ACYP2: variants seen among roughly 807,000 people sequenced by gnomAD.
ACYP2 encodes the protein acylphosphatase 2, also known as acylphosphatase-2.
In ACYP2, 12 loss-of-function variants were observed where a neutral mutation model predicts 11.2. The ratio of observed to expected loss-of-function variants is 1.08; its 90% CI spans 0.69 to 1.74. The LOEUF is 1.74. ACYP2 is among the 40% of genes most tolerant of loss of function. The pLI is 0.00. For missense variants in ACYP2, 134 were observed against 101.9 expected (o/e 1.31, Z -1.35); for synonymous variants, 43 against 32.2 (o/e 1.33, Z -1.13).
intron 2 of ACYP2, among the ~76,000 whole-genome samples, chr2:54,027,837 C>CTTTTTTTTTT (rs34122179): frequency 5.1e-5 from 5 of 97,890 alleles, no homozygotes; most frequent in Non-Finnish European, 7.8e-5. Context: ...TTCTTTCTTT[C>CTTTTTTTTTT]TTTTTTTTTT....
At chr2:53,996,987 G>T (rs1006638553) in intron 2 of ACYP2, among the ~76,000 whole-genome samples, 2 of 152,128 alleles carry the variant, frequency 1.3e-5, no homozygotes, top group African/African-American at 4.8e-5. Flanking sequence ...GCTGACACAC[G>T]ACTAGCCCCA....
chr2:54,133,884 G>A (rs1681072395), intron 4 of ACYP2, among the ~76,000 whole-genome samples: 1 of 152,152 alleles, frequency 6.6e-6, no homozygotes, highest in Non-Finnish European at 1.5e-5. Flanking sequence ...ACCACCCAAG[G>A]TATGAAGTCC....
chr2:54,230,703 G>A (rs528220641), intron 6 of ACYP2, among the ~76,000 whole-genome samples: 1 of 151,246 alleles, frequency 6.6e-6, no homozygotes, highest in South Asian at 2.1e-4. Context: ...CCTTTCTGTC[G>A]ATCCAAGTCT....
At chr2:54,232,293 G>A (rs1188469592) in intron 6 of ACYP2, among the ~76,000 whole-genome samples, 2 of 152,160 alleles carry the variant, frequency 1.3e-5, no homozygotes, top group African/African-American at 4.8e-5. Context: ...GAGGAATGGA[G>A]AGTTGCTGTT....
intron 6 of ACYP2, among the ~76,000 whole-genome samples, chr2:54,216,834 G>A (rs887685335): frequency 1.3e-5 from 2 of 152,094 alleles, no homozygotes; most frequent in South Asian, 2.1e-4. Context: ...ACTGCACTGA[G>A]GTCTAATCAC....
intron 6 of ACYP2, chr2:54,256,203 G>A: frequency 6.5e-7 from 1 of 1,541,728 alleles, no homozygotes. Context: ...GAGGTAGGTA[G>A]CGTCAACGTT....
intron 2 of ACYP2, among the ~76,000 whole-genome samples, chr2:53,989,906 CA>C (rs1374047969): frequency 2.0e-5 from 3 of 152,120 alleles, no homozygotes; most frequent in African/African-American, 7.2e-5. Flanking sequence ...CCCTTGGTCC[CA>C]GCCAATTGTT....
intron 4 of ACYP2, among the ~76,000 whole-genome samples, chr2:54,093,221 C>T (rs2103685256): frequency 6.6e-6 from 1 of 152,238 alleles, no homozygotes; most frequent in East Asian, 1.9e-4. Flanking sequence ...AGGAAGTCAG[C>T]AGATAATATC....
chr2:54,276,468 A>G (rs972082206), intron 6 of ACYP2, among the ~76,000 whole-genome samples: 2 of 152,142 alleles, frequency 1.3e-5, no homozygotes, highest in Admixed American at 6.5e-5. Flanking sequence ...ACTCAATACC[A>G]TGGGTAGAAT....
At chr2:53,973,473 A>G (rs1188945917) in intron 1 of ACYP2, among the ~76,000 whole-genome samples, 1 of 152,180 alleles carries the variant, frequency 6.6e-6, no homozygotes, top group African/African-American at 2.4e-5. Context: ...CACCATTGTG[A>G]TTTGTTTCTG....
chr2:53,978,216 C>T (rs561645825), intron 2 of ACYP2, among the ~76,000 whole-genome samples: 118 of 147,768 alleles, frequency 8.0e-4, no homozygotes, highest in African/African-American at 2.7e-3. Flanking sequence ...GAGCTGAGAT[C>T]GTGCCACTGC....
chr2:54,045,805 G>C (rs1363731515), intron 2 of ACYP2, among the ~76,000 whole-genome samples: 2 of 151,624 alleles, frequency 1.3e-5, no homozygotes, highest in Non-Finnish European at 2.9e-5. Flanking sequence ...GACAGAGTGA[G>C]ACTCTGTCCC....
chr2:54,231,799 G>A lies in ACYP2; in HGVS notation c.405-72889G>A, dbSNP rs553098115. 3.9e-5 allele frequency among the ~76,000 whole-genome samples: 6 copies of A among 152,192 alleles called. No homozygotes were observed. The East Asian group carries it at 7.7e-4, about 20-fold the overall frequency. ...GTAAGAGTCCATTTCCTGCCTCTCG[G>A]GCACGCCACCACAGCCTGAGGCTCC... On this transcript the variant is annotated intron_variant, in intron 6 of 6. Coordinates refer to ENST00000607452, the MANE Select transcript of ACYP2 (RefSeq NM_001320586.2).
chr2:54,074,140 T>C (rs1677204724), intron 4 of ACYP2, among the ~76,000 whole-genome samples: 1 of 152,172 alleles, frequency 6.6e-6, no homozygotes, highest in African/African-American at 2.4e-5. Context: ...AGGAGTTTTA[T>C]ATCAGCCTGA....
intron 6 of ACYP2, among the ~76,000 whole-genome samples, chr2:54,275,699 G>A (rs926981626): frequency 6.6e-6 from 1 of 152,122 alleles, no homozygotes; most frequent in African/African-American, 2.4e-5. Flanking sequence ...ATCAAGCATA[G>A]AGAAATGATT....
At chr2:54,250,014 A>T (rs1325137048) in intron 6 of ACYP2, among the ~76,000 whole-genome samples, 3 of 151,650 alleles carry the variant, frequency 2.0e-5, no homozygotes, top group Non-Finnish European at 4.4e-5. Flanking sequence ...TTAAGTTAAC[A>T]TCTGGTTTAT....
chr2:54,180,643 C>T (rs577647946), intron 6 of ACYP2, among the ~76,000 whole-genome samples: 1 of 152,250 alleles, frequency 6.6e-6, no homozygotes, highest in Admixed American at 6.5e-5. Flanking sequence ...CAGTTTCAAC[C>T]TCCTGGGCTC....
At chr2:54,018,273 C>G (rs759156633) in intron 2 of ACYP2, among the ~76,000 whole-genome samples, 1 of 152,056 alleles carries the variant, frequency 6.6e-6, no homozygotes, top group Non-Finnish European at 1.5e-5. Context: ...GGGTGAGGCC[C>G]AAGAATTTGT....
intron 6 of ACYP2, among the ~76,000 whole-genome samples, chr2:54,199,354 C>G (rs1684655225): frequency 6.6e-6 from 1 of 152,192 alleles, no homozygotes; most frequent in South Asian, 2.1e-4. Flanking sequence ...GCACACGTGT[C>G]ATTGTCCCAT....
Sources: allele counts gnomAD v4.1 joint callset (sites outside exome capture counted in the v4.1 genomes callset), GRCh38; gene constraint gnomAD v4.1.1; transcripts MANE v1.5; gene names NCBI Gene and HGNC (gene_info 2026-07-23, HGNC 2026-07-21).